AMER1: variants seen among roughly 807,000 people sequenced by gnomAD.
AMER1 encodes the protein APC membrane recruitment protein 1.
AMER1 carries 16 observed loss-of-function variants against 53.0 expected under a neutral mutation model. The ratio of observed to expected loss-of-function variants is 0.30; its 90% CI spans 0.20 to 0.46. The LOEUF is 0.46. Ranked by LOEUF, AMER1 falls within the 20% of genes least tolerant of loss-of-function variation. The probability of loss-of-function intolerance (pLI) is 1.00; values close to 1 mark genes in which losing one functional copy is unlikely to be tolerated. For missense variants in AMER1, 947 were observed against 884.9 expected, an observed-to-expected ratio of 1.07 and a Z score of -0.89; for synonymous variants, 354 against 331.9, an observed-to-expected ratio of 1.07 and a Z score of -0.73.
Position 64,185,369 on chromosome X carries a change from G to A in AMER1, c.*4510C>T. The A allele has an allele frequency of 5.9e-6, 1 of 170,464 alleles. No homozygotes were observed. The highest frequency in any genetic ancestry group is 8.4e-5 in the East Asian group (1 of 11,881). The allele number at this position is 170,464 out of a possible 1,213,427, so 14.0% of individuals were successfully genotyped here. A position where few individuals can be genotyped will look rare whatever the true frequency, so the allele number is the denominator to read the frequency against. ...ACACCTGGGGTGATGATGTACTGCA[G>A]TTCCTAATTTCTTCCCTCCTTCCTC... On this transcript the variant is annotated 3_prime_UTR_variant, in exon 2 of 2. Coordinates refer to ENST00000374869, the MANE Select transcript of AMER1 (RefSeq NM_152424.4).
chrX:64,189,993 C>T lies in AMER1; in HGVS notation c.3294G>A (p.Gln1098=), dbSNP rs1930205769. 2 of 1,207,772 alleles carry T rather than the reference C, an allele frequency of 1.7e-6. No individual in the cohort carries two copies. The highest frequency in any genetic ancestry group is 2.2e-6 in the Non-Finnish European group (2 of 893,536). ...PRVRPEHPQP[Q]PTHYGPSSLD... ...GGCTGGAAGGCCCATAGTGAGTGGG[C>T]TGAGGCTGGGGGTGCTCAGGCCGGA... The change falls in exon 2 of 2, where the codon CAG becomes CAA. Residue 1098 remains glutamine (Q), a synonymous_variant. Coordinates refer to ENST00000374869, the MANE Select transcript of AMER1 (RefSeq NM_152424.4).
rs773615108 is a variant in AMER1 at position 64,188,174 on chromosome X, T to C, written c.*1705A>G. Reference sequence around the variant, plus strand: ...AAGCTAAATTGCCATATCTCAGGAATGGCAAGAACCCTGTTGACTTCTTCT... The same window carrying C: ...AAGCTAAATTGCCATATCTCAGGAACGGCAAGAACCCTGTTGACTTCTTCT... On this transcript the variant is annotated 3_prime_UTR_variant, in exon 2 of 2. Transcript: ENST00000374869. 244 of 802,963 alleles carry C rather than the reference T, an allele frequency of 3.0e-4. No homozygotes were observed. The highest frequency in any genetic ancestry group is 1.2e-3 in the Middle Eastern group (2 of 1,602). The allele number at this position is 802,963 out of a possible 1,213,427, so 66.2% of individuals were successfully genotyped here.
rs2147085593 is a variant in AMER1, at chrX:64,190,631, C to A, written c.2656G>T (p.Ala886Ser). ...PGLHPRPPPAAMALNRRSRSL... is the reference protein window; with the variant it reads ...PGLHPRPPPASMALNRRSRSL... ...CGGCTTCTCCTGTTGAGGGCCATAG[C>A]AGCAGGTGGAGGTCGAGGGTGCAGG... The change falls in exon 2 of 2, where the codon GCT (alanine) becomes TCT (serine). Residue 886 changes from alanine to serine, a missense_variant. Coordinates refer to ENST00000374869, the MANE Select transcript of AMER1 (RefSeq NM_152424.4). The A allele has an allele frequency of 1.7e-6, 2 of 1,211,945 alleles. No homozygotes were observed. Among genetic ancestry groups the A allele is most frequent in the East Asian group, 3.0e-5 (1 of 33,823 alleles).
chrX:64,189,801 C>G lies in AMER1; in HGVS notation c.*78G>C, dbSNP rs1184917581. On this transcript the variant is annotated 3_prime_UTR_variant, in exon 2 of 2. Transcript: ENST00000374869. ...TTTCAAGTTAAACAACAACCCCCACCCCCCCACCCTTCTGCCCAACCCCTG... is the reference window on the plus strand; with the variant it reads ...TTTCAAGTTAAACAACAACCCCCACGCCCCCACCCTTCTGCCCAACCCCTG... 1 of 366,157 alleles carries G rather than the reference C, an allele frequency of 2.7e-6. No individual in the cohort carries two copies. Among genetic ancestry groups the G allele is most frequent in the Admixed American group, 7.8e-5 (1 of 12,878 alleles). 30.2% of individuals were successfully genotyped at this position (366,157 alleles called of 1,213,427 possible). A position where few individuals can be genotyped will look rare whatever the true frequency, so the allele number is the denominator to read the frequency against.
Position 64,190,539 on chromosome X carries a change from G to A in AMER1, c.2748C>T (p.Leu916=), listed in dbSNP as rs1480106543. 1.2e-5 allele frequency: 15 copies of A among 1,210,192 alleles called. No homozygotes were observed. Among genetic ancestry groups the A allele is most frequent in the South Asian group, 3.5e-5 (2 of 56,767 alleles). The change falls in exon 2 of 2, where the codon CTC becomes CTT. Residue 916 remains leucine, a synonymous_variant. Transcript: ENST00000374869. Reference sequence around the variant, plus strand: ...GCTGGGCCTGCAGCTCATCAGACTCGAGGTAGCCCTGGACCAAGTGGGAAT... The same window carrying A: ...GCTGGGCCTGCAGCTCATCAGACTCAAGGTAGCCCTGGACCAAGTGGGAAT... ...LSNSHLVQGY[L]ESDELQAQQE... is the part of the protein sequence containing the mutation.
chrX:64,204,980 T>C lies in AMER1; in HGVS notation c.-99+590A>G, dbSNP rs955416390. 6.2e-5 allele frequency among the ~76,000 whole-genome samples: 7 copies of C among 112,818 alleles called. No homozygotes were observed. The Admixed American group carries it at 6.5e-4, about 10-fold the overall frequency. ...GCTCAGCCCACAGGCCCAACTGAGC[T>C]CCTCTGGGGAGGGGGCAGTCTGTGG... On this transcript the variant is annotated intron_variant, in intron 1 of 1. Coordinates refer to ENST00000374869, the MANE Select transcript of AMER1 (RefSeq NM_152424.4).
Position 64,189,957 on chromosome X carries a change from T to C in AMER1, c.3330A>G (p.Ser1110=), listed in dbSNP as rs745609861. ...AGGCACCTTGCTCAGCCCTCTCCTT[T>C]GACAGGTCAAGGCTGGAAGGCCCAT... ...THYGPSSLDL[S]KERAEQGASL... Residue 1110 remains serine, a synonymous_variant, in exon 2 of 2, where the codon TCA becomes TCG. Transcript: ENST00000374869. 2.3e-5 allele frequency: 28 copies of C among 1,204,555 alleles called. No homozygotes were observed. The highest frequency in any genetic ancestry group is 2.9e-5 in the Non-Finnish European group (26 of 892,789).
rs750665616 is a variant in AMER1, at chrX:64,193,224, A to C, written c.63T>G (p.Arg21=). The change falls in exon 2 of 2, where the codon CGT becomes CGG. Residue 21 remains arginine (R), a synonymous_variant. Coordinates refer to ENST00000374869, the MANE Select transcript of AMER1 (RefSeq NM_152424.4). ...AKGAAASGST[R]EQTAEKGAKN... is the part of the protein sequence containing the mutation. ...TGGCTCCTTTTTCTGCTGTTTGTTC[A>C]CGGGTACTCCCAGAGGCTGCAGCTC... 16 of 1,209,450 alleles carry C rather than the reference A, an allele frequency of 1.3e-5. No individual in the cohort carries two copies. In the East Asian group the frequency reaches 4.2e-4, roughly 31 times the overall value.
intron 1 of AMER1, among the ~76,000 whole-genome samples, chrX:64,200,807 A>G (rs1225125806): frequency 9.0e-6 from 1 of 111,358 alleles, no homozygotes; most frequent in East Asian, 2.8e-4. Flanking sequence ...ACCCCTCAAC[A>G]TTTTGCTCTT....
chrX:64,189,792 A>AGCGGGGGGCCCCCCCCCCC lies in AMER1; in HGVS notation c.*86_*87insGGGGGGGGGGGCCCCCCGC. On this transcript the variant is annotated 3_prime_UTR_variant, in exon 2 of 2. Coordinates refer to ENST00000374869, the MANE Select transcript of AMER1 (RefSeq NM_152424.4). ...CCAAAGGGTTTTCAAGTTAAACAAC[A>AGCGGGGGGCCCCCCCCCCC]ACCCCCACCCCCCCACCCTTCTGCC... 2.7e-6 allele frequency: 2 copies of AGCGGGGGGCCCCCCCCCCC among 746,975 alleles called. No individual in the cohort carries two copies. The highest frequency in any genetic ancestry group is 8.5e-5 in the East Asian group (1 of 11,770). 61.6% of individuals were successfully genotyped at this position (746,975 alleles called of 1,213,427 possible).
intron 1 of AMER1, among the ~76,000 whole-genome samples, chrX:64,201,576 A>T (rs1404184447): frequency 8.9e-6 from 1 of 111,734 alleles, no homozygotes. Context: ...TGAGTGACAC[A>T]GAAAGGCTAT....
rs773332902 is a variant in AMER1, at chrX:64,191,505, G to T, written c.1782C>A (p.His594Gln). 1.7e-6 allele frequency: 2 copies of T among 1,211,899 alleles called. No homozygotes were observed. The highest frequency in any genetic ancestry group is 3.5e-5 in the South Asian group (2 of 56,986). ...CCTCTCGAGTATAGGCCTCCCTGGCGTGGGCCTCCCTGGCATGAGCTTCTC... is the reference window on the plus strand; with the variant it reads ...CCTCTCGAGTATAGGCCTCCCTGGCTTGGGCCTCCCTGGCATGAGCTTCTC... ...RAREAHAREA[H>Q]AREAYTREAY... The change falls in exon 2 of 2, where the codon CAC becomes CAA. Residue 594 changes from histidine to glutamine, a missense_variant. His to Gln is a conservative substitution (Grantham distance 24, BLOSUM62 0). Coordinates refer to ENST00000374869, the MANE Select transcript of AMER1 (RefSeq NM_152424.4).
rs779222316 is a variant in AMER1, at chrX:64,192,757, C to T, written c.530G>A (p.Arg177His). 3.0e-5 allele frequency: 36 copies of T among 1,208,171 alleles called. No homozygotes were observed. Among genetic ancestry groups the T allele is most frequent in the Admixed American group, 4.4e-5 (2 of 45,591 alleles). ...AGTGACCTTGCTCTTCCGGTGACGG[C>T]GGATACTGCTAAAAAAGCCTTTTAG... ...KGLKGFFSSI[R>H]RHRKSKVTGA... The change falls in exon 2 of 2, where the codon CGC (arginine) becomes CAC (histidine). Residue 177 changes from arginine to histidine, a missense_variant. Coordinates refer to ENST00000374869, the MANE Select transcript of AMER1 (RefSeq NM_152424.4).
chrX:64,190,470 T>C lies in AMER1; in HGVS notation c.2817A>G (p.Glu939=), dbSNP rs912409086. ...DEEDEEEEEG[E]WSRDSPLSLY... ...GGGAAAGGGGACTGTCTCGGCTCCA[T>C]TCTCCTTCTTCCTCCTCTTCGTCCT... The change falls in exon 2 of 2, where the codon GAA becomes GAG. Residue 939 remains glutamate (E), a synonymous_variant. Transcript: ENST00000374869. 7 of 1,210,392 alleles carry C rather than the reference T, an allele frequency of 5.8e-6. No homozygotes were observed. The African/African-American group carries it at 1.2e-4, about 21-fold the overall frequency.
In AMER1 at chrX:64,192,754, C is replaced by T. The variant is rs753930754; in HGVS notation, c.533G>A (p.Arg178His). The part of the protein sequence containing the change: ...GLKGFFSSIR[R>H]HRKSKVTGAE... ...CCCAGTGACCTTGCTCTTCCGGTGACGGCGGATACTGCTAAAAAAGCCTTT... is the reference window on the plus strand; with the variant it reads ...CCCAGTGACCTTGCTCTTCCGGTGATGGCGGATACTGCTAAAAAAGCCTTT... The change falls in exon 2 of 2, where the codon CGT becomes CAT. Residue 178 changes from arginine to histidine, a missense_variant. Physicochemically the swap from Arg to His is conservative, Grantham distance 29. Transcript: ENST00000374869. 45 of 1,205,858 alleles carry T rather than the reference C, an allele frequency of 3.7e-5. No individual in the cohort carries two copies. The highest frequency in any genetic ancestry group is 2.3e-4 in the Middle Eastern group (1 of 4,332).
At chrX:64,193,528 G>A (rs752248196) in intron 1 of AMER1, 144 bp from the exon 2 acceptor site, 1 of 455,593 alleles carries the variant, frequency 2.2e-6, no homozygotes, top group Non-Finnish European at 3.8e-6. Context: ...TAATCCACTC[G>A]ATATGCTTGG....
chrX:64,189,794 C>CGGGGGGGCG lies in AMER1; in HGVS notation c.*84_*85insCGCCCCCCC. On this transcript the variant is annotated 3_prime_UTR_variant, in exon 2 of 2. Coordinates refer to ENST00000374869, the MANE Select transcript of AMER1 (RefSeq NM_152424.4). ...AAAGGGTTTTCAAGTTAAACAACAA[C>CGGGGGGGCG]CCCCACCCCCCCACCCTTCTGCCCA... 3.3e-6 allele frequency: 1 copy of CGGGGGGGCG among 301,674 alleles called. No homozygotes were observed. The highest frequency in any genetic ancestry group is 4.3e-6 in the Non-Finnish European group (1 of 232,751). The allele number at this position is 301,674 out of a possible 1,213,427, so 24.9% of individuals were successfully genotyped here. A position where few individuals can be genotyped will look rare whatever the true frequency, so the allele number is the denominator to read the frequency against.
intron 1 of AMER1, among the ~76,000 whole-genome samples, chrX:64,197,580 T>C (rs996950230): frequency 8.9e-6 from 1 of 112,843 alleles, no homozygotes; most frequent in Non-Finnish European, 1.9e-5. Flanking sequence ...GCAAGTGGAT[T>C]TATGCAGTAG....
At chrX:64,200,693 G>C (rs1930470490) in intron 1 of AMER1, among the ~76,000 whole-genome samples, 1 of 111,355 alleles carries the variant, frequency 9.0e-6, no homozygotes, top group Non-Finnish European at 1.9e-5. Context: ...GATTGGCTTT[G>C]AGGGTCCTAG....
Sources: allele counts gnomAD v4.1 joint callset (sites outside exome capture counted in the v4.1 genomes callset), GRCh38; gene constraint gnomAD v4.1.1; transcripts MANE v1.5; gene names NCBI Gene and HGNC (gene_info 2026-07-23, HGNC 2026-07-21).